The following TDRD5 variants were observed in gnomAD, a reference collection of about 807,000 sequenced individuals.
TDRD5 encodes the protein tudor domain containing 5.
A neutral mutation model predicts 120.6 loss-of-function variants in TDRD5; 41 were observed. The observed-to-expected ratio is 0.34, with a 90% CI of 0.26 to 0.44. TDRD5 has a LOEUF of 0.44. Ranked by LOEUF, TDRD5 falls within the 20% of genes least tolerant of loss-of-function variation. The pLI is 1.00. For missense variants in TDRD5, 1,006 were observed against 1,221.2 expected (o/e 0.82, Z 2.63); for synonymous variants, 430 against 433.7 (o/e 0.99, Z 0.11).
intron 17 of TDRD5, among the ~76,000 whole-genome samples, chr1:179,686,279 T>C (rs1680707211): frequency 6.6e-6 from 1 of 152,252 alleles, no homozygotes; most frequent in African/African-American, 2.4e-5. Flanking sequence ...TCAAAGGCCT[T>C]TTCTGCATCT....
chr1:179,639,289 T>G (rs1310162847), intron 9 of TDRD5, among the ~76,000 whole-genome samples: 16 of 152,148 alleles, frequency 1.1e-4, no homozygotes. Context: ...AATGATGGAG[T>G]CAGGATTTGG....
chr1:179,640,051 A>G lies in TDRD5; in HGVS notation c.1733A>G (p.Lys578Arg). 1.2e-6 allele frequency: 2 copies of G among 1,613,952 alleles called. No individual in the cohort carries two copies. Among genetic ancestry groups the G allele is most frequent in the Non-Finnish European group, 1.7e-6 (2 of 1,179,876 alleles). ...IVQKSSLRFLKCCYTKLPAQA... is the reference protein window; with the variant it reads ...IVQKSSLRFLRCCYTKLPAQA... ...CAGAAGTCCTCCCTGAGGTTCCTCA[A>G]GTGAGTTGAATTGAATTAGAACAAT... Residue 578 changes from lysine to arginine, a missense_variant and splice_region_variant, in exon 10 of 18, where the codon AAG (lysine) becomes AGG (arginine). Coordinates refer to ENST00000444136, the MANE Select transcript of TDRD5 (RefSeq NM_001199085.3).
At chr1:179,645,976 T>C (rs77254133) in intron 11 of TDRD5, among the ~76,000 whole-genome samples, 6,438 of 152,290 alleles carry the variant, frequency 0.042, 194 homozygotes, top group Middle Eastern at 0.065. Flanking sequence ...ATATGTCTTT[T>C]ATGAACTATA....
intron 16 of TDRD5, 92 bp downstream of exon 16, chr1:179,663,583 A>G (rs1337524664): frequency 4.7e-6 from 7 of 1,475,576 alleles, no homozygotes; most frequent in Non-Finnish European, 6.3e-6. Flanking sequence ...ACATATTTTG[A>G]TATTGCCTGT....
At chr1:179,652,245 T>C (rs1400388641) in intron 13 of TDRD5, 48 bp downstream of exon 13, 1 of 1,510,690 alleles carries the variant, frequency 6.6e-7, no homozygotes, top group Non-Finnish European at 8.8e-7. Context: ...ATTACTGTAA[T>C]CCTCATTTTT....
At chr1:179,651,256 A>T (rs1301939853) in intron 12 of TDRD5, among the ~76,000 whole-genome samples, 189 bp downstream of exon 12, 1 of 152,180 alleles carries the variant, frequency 6.6e-6, no homozygotes, top group Non-Finnish European at 1.5e-5. Context: ...GCATTTGACT[A>T]ATTGTCCTTT....
intron 7 of TDRD5, 148 bp from the exon 8 acceptor site, chr1:179,634,308 TG>T: frequency 2.7e-6 from 2 of 745,410 alleles, no homozygotes; most frequent in South Asian, 4.8e-5. Flanking sequence ...AGGACAGGTT[TG>T]TATCTCTCAT....
At chr1:179,643,174 T>C (rs1232040568) in intron 11 of TDRD5, among the ~76,000 whole-genome samples, 1 of 152,204 alleles carries the variant, frequency 6.6e-6, no homozygotes, top group East Asian at 1.9e-4. Flanking sequence ...TTTCTGTTGC[T>C]ACAGACTGCA....
chr1:179,648,748 G>A (rs1035388963), intron 11 of TDRD5, among the ~76,000 whole-genome samples: 8 of 151,404 alleles, frequency 5.3e-5, no homozygotes, highest in African/African-American at 1.2e-4. Flanking sequence ...TAAATGAGAC[G>A]TGGACCAAGA....
intron 11 of TDRD5, among the ~76,000 whole-genome samples, chr1:179,648,161 G>A (rs370549614): frequency 0.24 from 32,285 of 132,014 alleles, 4,216 homozygotes; most frequent in Admixed American, 0.32. Context: ...TGTTTATTGC[G>A]GCATTATTCA....
intron 17 of TDRD5, among the ~76,000 whole-genome samples, chr1:179,687,919 A>G (rs1275383999): frequency 1.9e-5 from 2 of 105,808 alleles, no homozygotes; most frequent in East Asian, 2.7e-4. Context: ...CCATCCCTTT[A>G]TTTTGAGCCT....
At chr1:179,612,504 A>G (rs1676335228) in intron 4 of TDRD5, among the ~76,000 whole-genome samples, 1 of 152,146 alleles carries the variant, frequency 6.6e-6, no homozygotes, top group African/African-American at 2.4e-5. Context: ...GGTCATCAGA[A>G]TTTTCTGCAT....
intron 11 of TDRD5, among the ~76,000 whole-genome samples, chr1:179,648,497 T>G: frequency 2.2e-5 from 3 of 136,320 alleles, no homozygotes; most frequent in Non-Finnish European, 3.2e-5. Context: ...TAATGCTAGA[T>G]GACGAGTTAG....
chr1:179,678,476 A>G (rs1454021209), intron 17 of TDRD5, among the ~76,000 whole-genome samples: 2 of 152,238 alleles, frequency 1.3e-5, no homozygotes, highest in Non-Finnish European at 2.9e-5. Flanking sequence ...ACATAAGTTC[A>G]TGATGTGAGT....
intron 6 of TDRD5, among the ~76,000 whole-genome samples, chr1:179,630,158 T>C (rs1677355875): frequency 6.6e-6 from 1 of 151,996 alleles, no homozygotes; most frequent in African/African-American, 2.4e-5. Flanking sequence ...TCACCACGCC[T>C]GGCTAATTTT....
Position 179,635,941 on chromosome 1 carries a change from T to C in TDRD5, c.1520+54T>C. 4 of 1,524,390 alleles carry C rather than the reference T, an allele frequency of 2.6e-6. No homozygotes were observed. In the Admixed American group the frequency reaches 7.5e-5, roughly 29 times the overall value. 94.4% of individuals were successfully genotyped at this position (1,524,390 alleles called of 1,614,324 possible). A position where few individuals can be genotyped will look rare whatever the true frequency, so the allele number is the denominator to read the frequency against. ...TTCACATGTCTCTTAAATCAACAGT[T>C]CTCAAACATTTCGGTTTCAGGACTC... On this transcript the variant is annotated intron_variant, in intron 9 of 17. Transcript: ENST00000444136.
chr1:179,655,073 C>T (rs1558410184), intron 14 of TDRD5, among the ~76,000 whole-genome samples: 1 of 152,168 alleles, frequency 6.6e-6, no homozygotes, highest in Non-Finnish European at 1.5e-5. Flanking sequence ...TTTCCTGTTT[C>T]CCAGAGCACC....
At chr1:179,615,202 A>AC (rs1572348703) in intron 4 of TDRD5, among the ~76,000 whole-genome samples, 2 of 152,148 alleles carry the variant, frequency 1.3e-5, no homozygotes, top group African/African-American at 4.8e-5. Context: ...TTCCATGAGG[A>AC]CAGGGACCAT....
intron 4 of TDRD5, among the ~76,000 whole-genome samples, chr1:179,611,528 C>T (rs998624709): frequency 5.3e-5 from 8 of 152,114 alleles, no homozygotes; most frequent in Non-Finnish European, 1.0e-4. Flanking sequence ...ATTTGCTGTG[C>T]CCTTTTCAGT....
Sources: gnomAD v4.1 joint callset for allele counts (sites outside exome capture counted in the v4.1 genomes callset) on GRCh38, gnomAD v4.1.1 for gene constraint, MANE v1.5 for transcripts, NCBI Gene and HGNC (gene_info 2026-07-23, HGNC 2026-07-21) for gene names.